PDHX: variants seen among roughly 807,000 people sequenced by gnomAD.
The protein encoded by PDHX is pyruvate dehydrogenase complex component X.
A neutral mutation model predicts 55.3 loss-of-function variants in PDHX; 33 were observed. That is an observed-to-expected ratio of 0.60 (90% CI 0.45 to 0.80). The LOEUF (loss-of-function observed/expected upper bound fraction) is 0.80, where lower values mean the gene tolerates loss of function less well. PDHX is among the 30% of genes least tolerant of loss of function. PDHX has a pLI of 0.00. For missense variants in PDHX, 622 were observed against 619.9 expected, an observed-to-expected ratio of 1.00 and a Z score of -0.04; for synonymous variants, 226 against 219.4, an observed-to-expected ratio of 1.03 and a Z score of -0.27.
Position 34,988,573 on chromosome 11 carries a change from A to G in PDHX, c.1183-3742A>G, listed in dbSNP as rs181764881. Among the ~76,000 whole-genome samples the G allele has an allele frequency of 4.3e-3, 656 of 151,678 alleles. 4 individuals are homozygous for G. The highest frequency in any genetic ancestry group is 7.3e-3 in the Non-Finnish European group (498 of 67,884). On this transcript the variant is annotated intron_variant, in intron 9 of 10. Transcript: ENST00000227868. ...TGTTTTCTGTCAAAAAAAAAAAAAA[A>G]AGAAACTTGAGAAGCAGCTCCTGGA...
chr11:34,951,049 CTTTTTTTTTTT>C (rs1179399887), intron 3 of PDHX, among the ~76,000 whole-genome samples: 30 of 88,616 alleles, frequency 3.4e-4, no homozygotes, highest in African/African-American at 1.5e-3. Flanking sequence ...TGTTTCCTGA[CTTTTTTTTTTT>C]TTTTTTTTTT....
chr11:34,978,148 A>T lies in PDHX; in HGVS notation c.989A>T (p.Asp330Val). ...VKDDIKVSVN[D>V]FIIKAAAVTL... is the part of the protein sequence containing the mutation. ...GATGACATTAAAGTATCAGTAAATG[A>T]TTTTATCATCAAGGCAGCAGCTGTT... Residue 330 changes from aspartate (D) to valine (V), a missense_variant, in exon 8 of 11, where the codon GAT (aspartate) becomes GTT (valine). Transcript: ENST00000227868. The T allele has an allele frequency of 6.4e-7, 1 of 1,571,654 alleles. No individual in the cohort carries two copies. Among genetic ancestry groups the T allele is most frequent in the Non-Finnish European group, 8.8e-7 (1 of 1,141,788 alleles).
intron 6 of PDHX, among the ~76,000 whole-genome samples, chr11:34,968,604 A>G (rs1855187169): frequency 6.6e-6 from 1 of 152,230 alleles, no homozygotes; most frequent in African/African-American, 2.4e-5. Flanking sequence ...TTCTATTATG[A>G]ATCTGTAAGA....
At chr11:34,975,875 C>T (rs1466101402) in intron 7 of PDHX, among the ~76,000 whole-genome samples, 1 of 152,146 alleles carries the variant, frequency 6.6e-6, no homozygotes, top group African/African-American at 2.4e-5. Flanking sequence ...GAAAGCAGGA[C>T]TTTTATCAGT....
chr11:34,944,140 C>A (rs1354275996), intron 2 of PDHX, among the ~76,000 whole-genome samples: 1 of 150,606 alleles, frequency 6.6e-6, no homozygotes, highest in Non-Finnish European at 1.5e-5. Context: ...ATTTTTTAGA[C>A]AGAGTTTTTG....
At chr11:34,939,149 T>A (rs959745044) in intron 2 of PDHX, among the ~76,000 whole-genome samples, 87 of 152,326 alleles carry the variant, frequency 5.7e-4, no homozygotes, top group African/African-American at 2.0e-3. Flanking sequence ...CCATTCATTT[T>A]ATATTAAAAA....
chr11:34,959,442 A>G, intron 4 of PDHX, among the ~76,000 whole-genome samples: 1 of 152,092 alleles, frequency 6.6e-6, no homozygotes, highest in East Asian at 1.9e-4. Flanking sequence ...GACCCAGATT[A>G]TAACAAGTGT....
intron 2 of PDHX, among the ~76,000 whole-genome samples, chr11:34,937,391 G>A (rs1854356667): frequency 6.7e-6 from 1 of 149,834 alleles, no homozygotes. Flanking sequence ...GTGAATGGGA[G>A]TTGAGGCCAT....
chr11:34,947,472 TA>T (rs1231049902), intron 2 of PDHX, 33 bp from the exon 3 acceptor site: 1 of 1,430,272 alleles, frequency 7.0e-7, no homozygotes, highest in South Asian at 1.2e-5. Flanking sequence ...ATTTATATTT[TA>T]AAAAACAAAA....
chr11:34,978,762 T>G (rs1002920521), intron 8 of PDHX, among the ~76,000 whole-genome samples: 3 of 151,200 alleles, frequency 2.0e-5, no homozygotes, highest in Admixed American at 1.3e-4. Context: ...TATGGAGAGG[T>G]GGGAGATAAG....
chr11:34,952,872 A>G (rs1431308632), intron 3 of PDHX, among the ~76,000 whole-genome samples: 1 of 151,150 alleles, frequency 6.6e-6, no homozygotes, highest in African/African-American at 2.4e-5. Flanking sequence ...AATAAAGGGT[A>G]TTCAATTAGG....
chr11:34,983,672 C>G (rs1855573806), intron 8 of PDHX, among the ~76,000 whole-genome samples: 1 of 151,822 alleles, frequency 6.6e-6, no homozygotes, highest in Non-Finnish European at 1.5e-5. Context: ...CTCCCATTCA[C>G]AATTGCTTCA....
At chr11:34,978,486 C>G (rs1855430784) in intron 8 of PDHX, among the ~76,000 whole-genome samples, 2 of 151,898 alleles carry the variant, frequency 1.3e-5, no homozygotes, top group Non-Finnish European at 2.9e-5. Context: ...GAGACAAACA[C>G]TATTATATGT....
At chr11:34,983,811 G>C (rs187481235) in intron 8 of PDHX, among the ~76,000 whole-genome samples, 3 of 152,264 alleles carry the variant, frequency 2.0e-5, no homozygotes, top group Admixed American at 2.0e-4. Flanking sequence ...CATGGTCATG[G>C]GTAGGAAGAA....
At chr11:34,953,069 C>A (rs1480178366) in intron 3 of PDHX, among the ~76,000 whole-genome samples, 1 of 152,052 alleles carries the variant, frequency 6.6e-6, no homozygotes, top group Non-Finnish European at 1.5e-5. Flanking sequence ...AGAGCCAAAT[C>A]ATGAGTGAAC....
chr11:34,969,244 T>G (rs929208104), intron 6 of PDHX, among the ~76,000 whole-genome samples: 1 of 152,212 alleles, frequency 6.6e-6, no homozygotes, highest in Non-Finnish European at 1.5e-5. Flanking sequence ...AAACTTACGA[T>G]GGGTTCATCA....
chr11:34,930,763 C>G (rs1379788545), intron 1 of PDHX, among the ~76,000 whole-genome samples: 3 of 152,202 alleles, frequency 2.0e-5, no homozygotes, highest in Admixed American at 2.0e-4. Flanking sequence ...AGGTCTACTT[C>G]TCTGGATCCC....
rs367574694 is a variant in PDHX, at chr11:34,959,537, C to T, written c.543-883C>T. ...GCAGCTACTGTGGAAAACAGTATGG[C>T]AGTTTCTTAGAAAATTAAAATTACC... On this transcript the variant is annotated intron_variant, in intron 4 of 10. Coordinates refer to ENST00000227868, the MANE Select transcript of PDHX (RefSeq NM_003477.3). Among the ~76,000 whole-genome samples the T allele has an allele frequency of 4.7e-4, 72 of 151,716 alleles. 1 individual carries two copies. The highest frequency in any genetic ancestry group is 1.6e-3 in the African/African-American group (68 of 41,332).
chr11:34,947,322 G>A (rs1482610867), intron 2 of PDHX, among the ~76,000 whole-genome samples, 184 bp from the exon 3 acceptor site: 2 of 151,892 alleles, frequency 1.3e-5, no homozygotes, highest in East Asian at 3.8e-4. Flanking sequence ...GGAAATTACA[G>A]CAAAGCATAC....
Sources: gnomAD v4.1 joint callset for allele counts (sites outside exome capture counted in the v4.1 genomes callset) on GRCh38, gnomAD v4.1.1 for gene constraint, MANE v1.5 for transcripts, NCBI Gene and HGNC (gene_info 2026-07-23, HGNC 2026-07-21) for gene names.